Variants in KYAT3 observed in about 807,000 individuals in gnomAD.
The protein encoded by KYAT3 is kynurenine--oxoglutarate transaminase 3.
A neutral mutation model predicts 59.0 loss-of-function variants in KYAT3; 50 were observed. The observed-to-expected ratio is 0.85, with a 90% CI of 0.68 to 1.07. The LOEUF (loss-of-function observed/expected upper bound fraction) is 1.07. KYAT3 is among the 50% of genes least tolerant of loss of function. KYAT3 has a pLI of 0.00. For synonymous variants in KYAT3, 148 were observed against 177.0 expected (o/e 0.84, Z 1.30); for missense variants, 497 against 533.3 (o/e 0.93, Z 0.67).
intron 3 of KYAT3, 24 bp downstream of exon 3, chr1:88,969,382 AATT>A: frequency 7.1e-7 from 1 of 1,401,896 alleles, no homozygotes; most frequent in Non-Finnish European, 1.0e-6. Context: ...ACCCTCACTA[AATT>A]ATTATTTATT....
intron 4 of KYAT3, among the ~76,000 whole-genome samples, chr1:88,968,232 C>T (rs7535685): frequency 0.031 from 4,789 of 152,136 alleles, 224 homozygotes; most frequent in African/African-American, 0.11. Context: ...TTCAAAGGTA[C>T]GTCTGATCTA....
intron 2 of KYAT3, chr1:88,983,593 G>A: frequency 1.9e-6 from 3 of 1,614,200 alleles, no homozygotes; most frequent in Non-Finnish European, 2.5e-6. Context: ...CCACCTTGAT[G>A]GCTTTTCCAT....
intron 4 of KYAT3, 76 bp downstream of exon 4, chr1:88,968,594 G>C (rs1676430342): frequency 1.4e-5 from 16 of 1,154,622 alleles, no homozygotes; most frequent in Non-Finnish European, 1.8e-5. Flanking sequence ...ATGACAGAAG[G>C]GCACATGCAC....
At chr1:88,956,601 G>T (rs1333954605) in intron 8 of KYAT3, among the ~76,000 whole-genome samples, 9 of 152,176 alleles carry the variant, frequency 5.9e-5, no homozygotes. Context: ...TAGGAGGCAT[G>T]GAGGGTGATG....
At chr1:88,927,222 C>G in the KYAT3 span, among the ~76,000 whole-genome samples, 27 of 152,040 alleles carry the variant, frequency 1.8e-4, no homozygotes, top group Non-Finnish European at 3.2e-4. Flanking sequence ...AACATTCCCC[C>G]CAAGGCAAAA....
intron 2 of KYAT3, chr1:88,981,051 A>G (rs1389724527): frequency 2.6e-5 from 4 of 152,216 alleles, no homozygotes; most frequent in African/African-American, 9.6e-5. Context: ...AGAACATTAC[A>G]CTATTGGCTC....
chr1:88,961,130 C>T lies in KYAT3; in HGVS notation c.787+37G>A, dbSNP rs6657572. On this transcript the variant is annotated intron_variant, in intron 8 of 13. Coordinates refer to ENST00000260508, the MANE Select transcript of KYAT3 (RefSeq NM_001008661.3). ...ATCAGTTCTTCCATATGTGCCCAAA[C>T]ACATTTAGATATGTGACTCTGTGTT... 6.3e-3 allele frequency: 10,176 copies of T among 1,608,770 alleles called. 459 individuals carry two copies. The African/African-American group carries it at 0.11, about 17-fold the overall frequency.
intron 13 of KYAT3, among the ~76,000 whole-genome samples, chr1:88,942,275 T>A (rs906831490): frequency 2.0e-5 from 3 of 152,080 alleles, no homozygotes; most frequent in South Asian, 2.1e-4. Flanking sequence ...TTTTTTTTTT[T>A]AATAGTTTGA....
chr1:88,965,075 G>T, intron 4 of KYAT3, 97 bp from the exon 5 acceptor site: 2 of 931,138 alleles, frequency 2.1e-6, no homozygotes, highest in Admixed American at 3.2e-5. Flanking sequence ...TTTAAAATTT[G>T]GATTTGATGT....
chr1:88,954,829 G>A (rs930802546), intron 9 of KYAT3, among the ~76,000 whole-genome samples: 3 of 152,222 alleles, frequency 2.0e-5, no homozygotes, highest in East Asian at 1.9e-4. Flanking sequence ...TGGCTGGAGC[G>A]CAGCTCACAG....
At chr1:88,935,556 G>A (rs1469387172), downstream of KYAT3, among the ~76,000 whole-genome samples, 1 of 152,180 alleles carries the variant, frequency 6.6e-6, no homozygotes, top group Non-Finnish European at 1.5e-5. Flanking sequence ...CATCACCAGA[G>A]GTGAGGATGT....
chr1:88,964,590 G>T (rs1389024274), intron 5 of KYAT3: 5 of 421,936 alleles, frequency 1.2e-5, no homozygotes, highest in South Asian at 2.2e-5. Flanking sequence ...GAGGAACAAA[G>T]AAGTTTTCTG....
the KYAT3 span, among the ~76,000 whole-genome samples, chr1:88,927,207 TGGGAAACA>T: frequency 6.6e-6 from 1 of 152,164 alleles, no homozygotes; most frequent in Non-Finnish European, 1.5e-5. Context: ...TTTTTTCAGA[TGGGAAACA>T]TTCCCCCCAA....
intron 2 of KYAT3, among the ~76,000 whole-genome samples, chr1:88,979,253 T>C (rs1676952001): frequency 6.6e-6 from 1 of 152,144 alleles, no homozygotes; most frequent in Non-Finnish European, 1.5e-5. Context: ...TGCATTTCTT[T>C]ACTTGAGACT....
chr1:88,956,890 T>A (rs1171170748), intron 8 of KYAT3, among the ~76,000 whole-genome samples: 1 of 152,250 alleles, frequency 6.6e-6, no homozygotes, highest in African/African-American at 2.4e-5. Flanking sequence ...ACTTGTGAAG[T>A]TCTTTCCATG....
downstream of KYAT3, among the ~76,000 whole-genome samples, chr1:88,930,950 GA>G (rs1674894758): frequency 6.6e-6 from 1 of 152,132 alleles, no homozygotes; most frequent in Non-Finnish European, 1.5e-5. Flanking sequence ...AATGCTTATA[GA>G]AGGACCCCTA....
At chr1:88,964,228 A>G (rs142385489) in intron 5 of KYAT3, among the ~76,000 whole-genome samples, 1 of 152,228 alleles carries the variant, frequency 6.6e-6, no homozygotes, top group East Asian at 1.9e-4. Context: ...TCACAAAAAC[A>G]TCCTCACATG....
At chr1:88,960,957 A>T (rs1676115143) in intron 8 of KYAT3, among the ~76,000 whole-genome samples, 1 of 152,234 alleles carries the variant, frequency 6.6e-6, no homozygotes, top group African/African-American at 2.4e-5. Context: ...ATAGCTTTAT[A>T]GTATGATCCA....
In KYAT3 at chr1:88,961,485, A is replaced by G. The variant is rs768931361; in HGVS notation, c.562T>C (p.Trp188Arg). The stretch of plus-strand genomic sequence containing the variant: ...TCTAATGTCCAGTCAGAACTAGACC[A>G]TCTTTTTCCATAAACAGGTTTCTAA... ...LRSKPVYGKR[W>R]SSSDWTLDPQ... Residue 188 changes from tryptophan to arginine, a missense_variant, in exon 7 of 14, where the codon TGG becomes CGG. Physicochemically the swap from Trp to Arg is moderately radical, Grantham distance 101. Transcript: ENST00000260508. The G allele has an allele frequency of 1.2e-6, 2 of 1,611,600 alleles. No homozygotes were observed. The highest frequency in any genetic ancestry group is 4.5e-5 in the East Asian group (2 of 44,804).
Sources: allele counts gnomAD v4.1 joint callset (sites outside exome capture counted in the v4.1 genomes callset), GRCh38; gene constraint gnomAD v4.1.1; transcripts MANE v1.5; gene names NCBI Gene and HGNC (gene_info 2026-07-23, HGNC 2026-07-21).